Variants in F8 observed in about 807,000 individuals in gnomAD.
F8 encodes coagulation factor VIII.
Under a neutral mutation model 140.6 loss-of-function variants are expected in F8, and 12 were observed. That is an observed-to-expected ratio of 0.09 (90% CI 0.05 to 0.14). F8 has a LOEUF of 0.14. F8 is among the 10% of genes least tolerant of loss of function. The pLI is 1.00. For missense variants in F8, 1,354 were observed against 1,720.7 expected (o/e 0.79, Z 3.77); for synonymous variants, 585 against 614.6 (o/e 0.95, Z 0.71).
chrX:154,867,499 A>C (rs781957212), intron 22 of F8, among the ~76,000 whole-genome samples: 31 of 109,388 alleles, frequency 2.8e-4, no homozygotes, highest in Non-Finnish European at 4.8e-4. Flanking sequence ...CAGCCTGGCC[A>C]ACAAGGTGAA....
intron 13 of F8, among the ~76,000 whole-genome samples, chrX:154,936,998 A>C (rs781815193): frequency 8.9e-6 from 1 of 111,943 alleles, no homozygotes; most frequent in South Asian, 3.7e-4. Context: ...AAATAACGTA[A>C]AATTTATAAA....
chrX:155,002,318 C>A (rs1429231381), intron 1 of F8, among the ~76,000 whole-genome samples: 2 of 112,272 alleles, frequency 1.8e-5, no homozygotes, highest in African/African-American at 6.5e-5. Context: ...TATATGTCAA[C>A]TTGACTGGGC....
chrX:154,838,757 C>T (rs1442186616), intron 25 of F8, among the ~76,000 whole-genome samples: 1 of 111,822 alleles, frequency 8.9e-6, no homozygotes, highest in Non-Finnish European at 1.9e-5. Context: ...CTTTTCCTGG[C>T]AAATGCACTG....
chrX:154,962,264 T>C (rs193148000), intron 9 of F8, among the ~76,000 whole-genome samples: 22 of 112,098 alleles, frequency 2.0e-4, no homozygotes, highest in African/African-American at 6.5e-4. Flanking sequence ...GATTCTTCAG[T>C]TGACAATGTA....
chrX:154,909,280 T>C (rs2073053081), intron 14 of F8: 2 of 140,248 alleles, frequency 1.4e-5, no homozygotes, highest in Non-Finnish European at 2.8e-5. Context: ...TTTTGTAGAC[T>C]TCCTGGAGAG....
intron 22 of F8, 28 bp from the exon 23 acceptor site, chrX:154,863,255 T>C (rs2148568189): frequency 2.5e-6 from 3 of 1,195,861 alleles, no homozygotes; most frequent in East Asian, 3.0e-5. Flanking sequence ...CACAAATACA[T>C]GGAAAGTGAA....
intron 22 of F8, among the ~76,000 whole-genome samples, chrX:154,879,939 C>A: frequency 8.9e-6 from 1 of 111,975 alleles, no homozygotes; most frequent in Non-Finnish European, 1.9e-5. Context: ...GCCTCACAGT[C>A]ATGCTTCCTG....
intron 13 of F8, among the ~76,000 whole-genome samples, chrX:154,943,828 C>T (rs781783538): frequency 3.3e-4 from 37 of 111,377 alleles, no homozygotes; most frequent in African/African-American, 8.5e-4. Context: ...GAGATATAGA[C>T]CAATGGAACA....
At chrX:154,968,782 C>T (rs1557282268) in intron 7 of F8, among the ~76,000 whole-genome samples, 1 of 110,885 alleles carries the variant, frequency 9.0e-6, no homozygotes, top group African/African-American at 3.3e-5. Flanking sequence ...CATCTACTGC[C>T]AGGTATCTAC....
chrX:155,021,313 G>A (rs1557287498), intron 1 of F8, among the ~76,000 whole-genome samples: 1 of 110,784 alleles, frequency 9.0e-6, no homozygotes, highest in Non-Finnish European at 1.9e-5. Flanking sequence ...AGAGGGTGGG[G>A]AGCCAAACAG....
chrX:154,902,085 A>G lies in F8; in HGVS notation c.6081T>C (p.Ala2027=), dbSNP rs782696615. ...ACACCAGAAAAAGTGTGCTCATCCC[A>G]GCATGTAGATGCTCGCCAATAAGGC... The part of the protein sequence containing the change: ...VECLIGEHLH[A]GMSTLFLVYS... The change falls in exon 19 of 26, where the codon GCT becomes GCC. Residue 2027 remains alanine, a synonymous_variant. Coordinates refer to ENST00000360256, the MANE Select transcript of F8 (RefSeq NM_000132.4). The G allele has an allele frequency of 8.3e-7, 1 of 1,208,579 alleles. No individual in the cohort carries two copies. The highest frequency in any genetic ancestry group is 1.8e-5 in the South Asian group (1 of 56,792).
At chrX:154,940,763 C>G (rs972927164) in intron 13 of F8, among the ~76,000 whole-genome samples, 3 of 111,926 alleles carry the variant, frequency 2.7e-5, no homozygotes, top group Non-Finnish European at 5.6e-5. Context: ...GACAGCCAGA[C>G]AGAAAGGTCG....
intron 1 of F8, among the ~76,000 whole-genome samples, chrX:155,016,066 G>A (rs1409164548): frequency 1.8e-5 from 2 of 111,268 alleles, no homozygotes; most frequent in Non-Finnish European, 3.8e-5. Context: ...GCAAAACCCC[G>A]TCTCTACCAA....
chrX:155,020,578 A>G (rs1162023500), intron 1 of F8, among the ~76,000 whole-genome samples: 3 of 112,133 alleles, frequency 2.7e-5, no homozygotes, highest in African/African-American at 9.7e-5. Context: ...CAAACAATAG[A>G]TCTTGGGGAA....
Position 154,931,105 on chromosome X carries a change from G to A in F8, c.2685C>T (p.Phe895=). The change falls in exon 14 of 26, where the codon TTC becomes TTT. Residue 895 remains phenylalanine (F), a synonymous_variant. Transcript: ENST00000360256. ...TAATELKKLD[F]KVSSTSNNLI... ...GATTATTTGATGTACTAGAAACTTT[G>A]AAATCAAGTTTCTTCAACTCTGTTG... 8.3e-7 allele frequency: 1 copy of A among 1,206,397 alleles called. No individual in the cohort carries two copies. The highest frequency in any genetic ancestry group is 1.1e-6 in the Non-Finnish European group (1 of 893,155).
At chrX:154,967,176 C>T (rs782286092) in intron 7 of F8, among the ~76,000 whole-genome samples, 6 of 111,684 alleles carry the variant, frequency 5.4e-5, no homozygotes, top group Non-Finnish European at 1.1e-4. Flanking sequence ...TTCCACATCA[C>T]TATCCCTTCT....
At chrX:154,982,167 G>C (rs1260883002) in intron 6 of F8, among the ~76,000 whole-genome samples, 1 of 103,365 alleles carries the variant, frequency 9.7e-6, no homozygotes, top group Non-Finnish European at 2.0e-5. Flanking sequence ...CTGGGTGACA[G>C]AACAAGACTC....
chrX:154,982,433 A>AGTG (rs2073532245), intron 6 of F8, among the ~76,000 whole-genome samples: 1 of 89,902 alleles, frequency 1.1e-5, no homozygotes, highest in Non-Finnish European at 2.1e-5. Flanking sequence ...GGGCGACAGC[A>AGTG]AGACTCCGTC....
intron 13 of F8, among the ~76,000 whole-genome samples, chrX:154,940,505 C>T (rs112696850): frequency 2.4e-4 from 27 of 111,945 alleles, no homozygotes; most frequent in African/African-American, 7.8e-4. Flanking sequence ...CCAAGAAATA[C>T]GGGACTATGT....
Sources: allele counts gnomAD v4.1 joint callset (sites outside exome capture counted in the v4.1 genomes callset), GRCh38; gene constraint gnomAD v4.1.1; transcripts MANE v1.5; gene names NCBI Gene and HGNC (gene_info 2026-07-23, HGNC 2026-07-21).